The following HNRNPH1 variants were observed in gnomAD, a reference collection of about 807,000 sequenced individuals.
HNRNPH1 encodes the protein heterogeneous nuclear ribonucleoprotein H1.
In HNRNPH1, 4 loss-of-function variants were observed where a neutral mutation model predicts 58.6. The observed-to-expected ratio is 0.07, with a 90% CI of 0.03 to 0.16. The LOEUF is 0.16. Among genes scored for constraint, HNRNPH1 ranks in the 10% least tolerant of loss-of-function variants. The pLI, the probability that HNRNPH1 is intolerant of heterozygous loss-of-function variation, is 1.00. For missense variants in HNRNPH1, 271 were observed against 564.2 expected (o/e 0.48, Z 5.26); for synonymous variants, 192 against 189.2 (o/e 1.01, Z -0.12).
upstream of HNRNPH1, among the ~76,000 whole-genome samples, chr5:179,625,243 A>G (rs1774264821): frequency 6.6e-6 from 1 of 152,136 alleles, no homozygotes; most frequent in Non-Finnish European, 1.5e-5. Context: ...CTCGTGTAAT[A>G]CCAGCATTTT....
At chr5:179,633,717 C>A (rs1177442230) in intron 2 of HNRNPH1, among the ~76,000 whole-genome samples, 3 of 152,006 alleles carry the variant, frequency 2.0e-5, no homozygotes, top group African/African-American at 4.8e-5. Context: ...TAGTTTGAGA[C>A]CAGCCTGGGC....
upstream of HNRNPH1, among the ~76,000 whole-genome samples, chr5:179,628,687 C>T (rs930631998): frequency 2.6e-5 from 4 of 152,122 alleles, no homozygotes; most frequent in South Asian, 2.1e-4. Flanking sequence ...ACCCTGTACT[C>T]CTAGCTCTCT....
At chr5:179,615,631 CA>C in intron 11 of HNRNPH1, 36 bp from the exon 13 acceptor site, 5 of 1,094,490 alleles carry the variant, frequency 4.6e-6, no homozygotes, top group Non-Finnish European at 6.9e-6. Flanking sequence ...ACTATAATAC[CA>C]AAATCACCAT....
intron 12 of HNRNPH1, chr5:179,615,320 T>G (rs556202158): frequency 4.2e-6 from 2 of 474,640 alleles, no homozygotes; most frequent in African/African-American, 2.0e-5. Flanking sequence ...TCACAATGTG[T>G]CCCTCGAATG....
At chr5:179,623,824 A>C (rs555843014) in exon 1 of HNRNPH1, 1 of 152,236 alleles carries the variant, frequency 6.6e-6, no homozygotes, top group African/African-American at 2.4e-5. Flanking sequence ...GGATTATTAC[A>C]CGCTTGGGTT....
intron 2 of HNRNPH1, among the ~76,000 whole-genome samples, chr5:179,630,256 G>A (rs568703661): frequency 5.9e-5 from 9 of 152,308 alleles, no homozygotes; most frequent in African/African-American, 2.2e-4. Context: ...GGCTGAGGCA[G>A]GAGAATCGCT....
chr5:179,623,320 C>A (rs1194478528), exon 1 of HNRNPH1: 3 of 465,592 alleles, frequency 6.4e-6, no homozygotes, highest in African/African-American at 6.1e-5. Context: ...CGACCGGACC[C>A]CCAAAGCTGT....
At chr5:179,622,102 T>C (rs780845580) in intron 1 of HNRNPH1, 13 of 414,366 alleles carry the variant, frequency 3.1e-5, no homozygotes, top group African/African-American at 1.0e-4. Flanking sequence ...GACATTCTGA[T>C]AGAAAATATT....
chr5:179,625,365 G>A (rs578165916), upstream of HNRNPH1, among the ~76,000 whole-genome samples: 201 of 108,904 alleles, frequency 1.8e-3, no homozygotes, highest in African/African-American at 6.6e-3. Flanking sequence ...GCATGCACAC[G>A]CCTGTAATCC....
At chr5:179,616,272 G>C (rs1769600139) in intron 10 of HNRNPH1, 54 bp from the exon 12 acceptor site, 9 of 1,306,440 alleles carry the variant, frequency 6.9e-6, no homozygotes, top group Non-Finnish European at 1.0e-5. Flanking sequence ...GTGGTACCTG[G>C]TGGTACCGGG....
chr5:179,634,320 T>G (rs1175418139), intron 1 of HNRNPH1: 4 of 86,348 alleles, frequency 4.6e-5, no homozygotes. Context: ...CCACAGCCGC[T>G]GCTTTCAGGG....
chr5:179,632,279 G>C (rs1298303105), intron 2 of HNRNPH1, among the ~76,000 whole-genome samples: 1 of 149,930 alleles, frequency 6.7e-6, no homozygotes, highest in South Asian at 2.1e-4. Context: ...CCGCACTCCA[G>C]CCTGAGTGAC....
At chr5:179,615,244 T>C (rs1472345222) in intron 12 of HNRNPH1, 13 of 428,904 alleles carry the variant, frequency 3.0e-5, no homozygotes, top group Admixed American at 3.9e-5. Context: ...TTTTCAAAAA[T>C]TGCAAAATTA....
intron 4 of HNRNPH1, chr5:179,619,022 T>G (rs1771084596): frequency 3.4e-6 from 1 of 298,430 alleles, no homozygotes; most frequent in Middle Eastern, 9.4e-4. Context: ...CCATAGTCTC[T>G]CAACTCTATT....
chr5:179,623,226 G>T, exon 1 of HNRNPH1: 1 of 874,134 alleles, frequency 1.1e-6, no homozygotes, highest in Non-Finnish European at 1.8e-6. Flanking sequence ...CCTCCGAGGC[G>T]CGCCCGGGCC....
chr5:179,618,122 G>T (rs370275246), intron 5 of HNRNPH1, 23 bp downstream of exon 6: 1 of 1,613,226 alleles, frequency 6.2e-7, no homozygotes, highest in East Asian at 2.2e-5. Context: ...ACGACTTGCC[G>T]AACCTTACGA....
chr5:179,630,021 C>T (rs1169045751), intron 2 of HNRNPH1, among the ~76,000 whole-genome samples: 1 of 149,994 alleles, frequency 6.7e-6, no homozygotes, highest in Non-Finnish European at 1.5e-5. Flanking sequence ...GACTCTGTCT[C>T]AAAATAAAAC....
Position 179,616,849 on chromosome 5 carries a change from A to G in HNRNPH1, c.1207+20T>C. ...ACAGATATAAACGTTTTGGTTTTTA[A>G]AAAAACTAACGATATTTACACAAGC... On this transcript the variant is annotated intron_variant, in intron 10 of 12. Coordinates refer to ENST00000356731, the Ensembl canonical transcript of HNRNPH1. 3 of 1,605,786 alleles carry G rather than the reference A, an allele frequency of 1.9e-6. No homozygotes were observed. The highest frequency in any genetic ancestry group is 2.6e-6 in the Non-Finnish European group (3 of 1,173,746).
Position 179,617,952 on chromosome 5 carries a change from AG to A in HNRNPH1, c.788-21del, listed in dbSNP as rs2127632212. On this transcript the variant is annotated intron_variant, in intron 6 of 12. Transcript: ENST00000356731. The stretch of plus-strand genomic sequence containing the variant: ...TGAGGTCTAGATGGACAAGAGTGTA[AG>A]CATCCTTCAACTGAGAAATTCAATT... The A allele has an allele frequency of 6.2e-7, 1 of 1,614,126 alleles. No homozygotes were observed.
Sources: allele counts gnomAD v4.1 joint callset (sites outside exome capture counted in the v4.1 genomes callset), GRCh38; gene constraint gnomAD v4.1.1; transcripts MANE v1.5; gene names NCBI Gene and HGNC (gene_info 2026-07-23, HGNC 2026-07-21).